The following SLC2A14 variants were observed in gnomAD, a reference collection of about 807,000 sequenced individuals.
SLC2A14 encodes solute carrier family 2 member 14, also known as solute carrier family 2, facilitated glucose transporter member 14.
Under a neutral mutation model 43.0 loss-of-function variants are expected in SLC2A14, and 13 were observed. That is an observed-to-expected ratio of 0.30 (90% confidence interval 0.20 to 0.48). The LOEUF is 0.48. Ranked by LOEUF, SLC2A14 falls within the 20% of genes least tolerant of loss-of-function variation. The probability of loss-of-function intolerance (pLI) is 0.99; values close to 1 mark genes in which losing one functional copy is unlikely to be tolerated. For missense variants in SLC2A14, 428 were observed against 620.4 expected, an observed-to-expected ratio of 0.69 and a Z score of 3.29; for synonymous variants, 190 against 233.8, an observed-to-expected ratio of 0.81 and a Z score of 1.71.
In SLC2A14 at chr12:7,885,678, GACAA is replaced by G. The variant is rs748442782; in HGVS notation, c.132+5314_132+5317del. Among the ~76,000 whole-genome samples, 224 of 151,336 alleles carry G rather than the reference GACAA, an allele frequency of 1.5e-3. 2 individuals carry two copies. The highest frequency in any genetic ancestry group is 2.6e-3 in the Non-Finnish European group (176 of 67,890). On this transcript the variant is annotated intron_variant, in intron 1 of 9. Coordinates refer to the SLC2A14 transcript ENST00000539924. The stretch of plus-strand genomic sequence containing the variant: ...GGGAGTGAAAAAAGAAAAGTAAACA[GACAA>G]ACAAACAAACAAAAATCAGAGATTC...
intron 2 of SLC2A14, among the ~76,000 whole-genome samples, chr12:7,863,862 C>CTGGG (rs1944757296): frequency 6.7e-6 from 1 of 150,066 alleles, no homozygotes; most frequent in African/African-American, 2.5e-5. Context: ...GTTGCCCAGG[C>CTGGG]TGGGGTGCAG....
At chr12:7,879,319 A>AG (rs1555149754) in intron 1 of SLC2A14, among the ~76,000 whole-genome samples, 1 of 47,216 alleles carries the variant, frequency 2.1e-5, no homozygotes, top group Non-Finnish European at 4.4e-5. Flanking sequence ...GCAAAAAAAA[A>AG]CAAACAACAA....
chr12:7,888,797 CAAA>C (rs138233883), intron 1 of SLC2A14, among the ~76,000 whole-genome samples: 1 of 104,346 alleles, frequency 9.6e-6, no homozygotes, highest in Non-Finnish European at 1.9e-5. Flanking sequence ...GACTCCGTCT[CAAA>C]AAAAAAAAAA....
In SLC2A14 at chr12:7,855,423, G is replaced by A. The variant is rs906250485; in HGVS notation, c.18+14440C>T. Among the ~76,000 whole-genome samples the A allele has an allele frequency of 3.3e-5, 5 of 152,070 alleles. No individual in the cohort carries two copies. The East Asian group carries it at 7.8e-4, about 24-fold the overall frequency. On this transcript the variant is annotated intron_variant, in intron 2 of 10. Transcript: ENST00000431042. ...CCAAAAGTGCTGGGATTACAAGCAT[G>A]AGCCACTGCGCCCAACTCTCTGTTT...
chr12:7,814,419 C>T lies in SLC2A14; in HGVS notation c.1391G>A (p.Arg464Gln), dbSNP rs770162236. 7 of 1,613,054 alleles carry T rather than the reference C, an allele frequency of 4.3e-6. No individual in the cohort carries two copies. The highest frequency in any genetic ancestry group is 2.7e-5 in the African/African-American group (2 of 74,726). The change falls in exon 11 of 11, where the codon CGG becomes CAG. Residue 464 changes from arginine (R) to glutamine (Q), a missense_variant. By Grantham distance (43) the Arg-to-Gln change is conservative (BLOSUM62 1). This residue lies in a region of SLC2A14 where 119 missense variants were observed against 188.7 expected (regional missense o/e 0.63). Coordinates refer to ENST00000431042, the MANE Select transcript of SLC2A14 (RefSeq NM_001286234.2). ...ACCGTGTGCCTGCCCTTCAAAGGCC[C>T]GTGTGATATCCTCAAAAGTCCTGCC... Reference protein sequence around the residue: ...TRGRTFEDITRAFEGQAHGAD... With the variant: ...TRGRTFEDITQAFEGQAHGAD...
Position 7,862,528 on chromosome 12 carries a change from C to T in SLC2A14, c.18+7335G>A, listed in dbSNP as rs199998691. ...CCGACGAATGCCGCCCCCTGCTCCA[C>T]GGCGCCCAGTCCCATCGACCACCCA... On this transcript the variant is annotated intron_variant, in intron 2 of 10. Coordinates refer to ENST00000431042, the MANE Select transcript of SLC2A14 (RefSeq NM_001286234.2). Among the ~76,000 whole-genome samples the T allele has an allele frequency of 3.3e-5, 5 of 152,108 alleles. No individual in the cohort carries two copies. In the East Asian group the frequency reaches 5.8e-4, roughly 18 times the overall value.
chr12:7,828,091 C>A (rs547890560), intron 6 of SLC2A14, among the ~76,000 whole-genome samples: 10 of 151,950 alleles, frequency 6.6e-5, no homozygotes, highest in Admixed American at 5.9e-4. Flanking sequence ...GGGTTGGGCG[C>A]GGTGGCTCAC....
upstream of SLC2A14, among the ~76,000 whole-genome samples, chr12:7,875,243 A>T (rs1056781343): frequency 0.019 from 718 of 37,208 alleles, 10 homozygotes; most frequent in African/African-American, 0.044. Flanking sequence ...TTATATATTT[A>T]TATATATATA....
intron 1 of SLC2A14, 91 bp downstream of exon 1, chr12:7,872,716 G>A: frequency 3.2e-6 from 3 of 944,616 alleles, no homozygotes; most frequent in Non-Finnish European, 3.8e-6. Context: ...CCGAGTAGCC[G>A]CCCACCTCTA....
intron 10 of SLC2A14, among the ~76,000 whole-genome samples, chr12:7,815,875 C>T (rs1198393244): frequency 8.0e-6 from 1 of 125,260 alleles, no homozygotes; most frequent in Non-Finnish European, 1.8e-5. Flanking sequence ...CGTGCCTGGC[C>T]AGTTTTGTTT....
chr12:7,844,386 C>G (rs759783195), intron 2 of SLC2A14, among the ~76,000 whole-genome samples: 28 of 152,240 alleles, frequency 1.8e-4, no homozygotes, highest in African/African-American at 6.7e-4. Flanking sequence ...TATCTATTCT[C>G]CCACTGATGT....
intron 1 of SLC2A14, among the ~76,000 whole-genome samples, chr12:7,885,443 C>T (rs1360576716): frequency 6.6e-6 from 1 of 151,508 alleles, no homozygotes; most frequent in Non-Finnish European, 1.5e-5. Context: ...CCAGCCTGGG[C>T]AACAAGAGCG....
intron 2 of SLC2A14, among the ~76,000 whole-genome samples, chr12:7,837,593 G>A (rs954361926): frequency 5.7e-5 from 7 of 122,048 alleles, no homozygotes; most frequent in African/African-American, 2.3e-4. Context: ...AGCCGAGCTT[G>A]CACCATTGCA....
chr12:7,842,194 T>C (rs765553082), intron 2 of SLC2A14, among the ~76,000 whole-genome samples: 1 of 152,292 alleles, frequency 6.6e-6, no homozygotes, highest in Non-Finnish European at 1.5e-5. Context: ...TCATTGAAGG[T>C]CCCTGCATGT....
intron 1 of SLC2A14, among the ~76,000 whole-genome samples, chr12:7,880,022 G>T (rs1945538155): frequency 6.6e-6 from 1 of 150,924 alleles, no homozygotes; most frequent in South Asian, 2.1e-4. Flanking sequence ...GAAACAACAG[G>T]CCGGGCATCA....
intron 2 of SLC2A14, among the ~76,000 whole-genome samples, chr12:7,861,961 C>CAA (rs398018322): frequency 0.049 from 6,443 of 132,014 alleles, 334 homozygotes; most frequent in African/African-American, 0.12. Flanking sequence ...GACTCCATTT[C>CAA]AAAAAAAAAA....
At chr12:7,868,913 G>A (rs1477660225) in intron 2 of SLC2A14, among the ~76,000 whole-genome samples, 1 of 152,082 alleles carries the variant, frequency 6.6e-6, no homozygotes, top group Non-Finnish European at 1.5e-5. Context: ...GGGAGGCCGA[G>A]GCGGGCAGAT....
At chr12:7,824,204 C>G (rs190185260) in intron 7 of SLC2A14, among the ~76,000 whole-genome samples, 2 of 151,856 alleles carry the variant, frequency 1.3e-5, no homozygotes, top group Admixed American at 1.3e-4. Flanking sequence ...TGCAGTGAGC[C>G]GAGATCGAGC....
At chr12:7,888,895 C>T (rs1288079986) in intron 1 of SLC2A14, among the ~76,000 whole-genome samples, 1 of 151,858 alleles carries the variant, frequency 6.6e-6, no homozygotes, top group East Asian at 1.9e-4. Flanking sequence ...TACCTATGGT[C>T]ACCTACTTAC....
Sources: allele counts gnomAD v4.1 joint callset (sites outside exome capture counted in the v4.1 genomes callset), GRCh38; gene constraint gnomAD v4.1.1; regional missense constraint gnomAD v4.1.1; transcripts MANE v1.5; gene names NCBI Gene and HGNC (gene_info 2026-07-23, HGNC 2026-07-21).